The following RGS13 variants were observed in gnomAD, a reference collection of about 807,000 sequenced individuals.
RGS13 encodes regulator of G protein signaling 13, also known as regulator of G-protein signalling 13.
A neutral mutation model predicts 19.9 loss-of-function variants in RGS13; 14 were observed. The ratio of observed to expected loss-of-function variants is 0.70; its 90% CI spans 0.46 to 1.10. The LOEUF (loss-of-function observed/expected upper bound fraction) is 1.10, where lower values mean the gene tolerates loss of function less well. Among genes scored for constraint, RGS13 ranks in the 50% least tolerant of loss-of-function variants. RGS13 has a pLI of 0.00. For missense variants in RGS13, 205 were observed against 187.1 expected (o/e 1.10, Z -0.56); for synonymous variants, 60 against 56.8 (o/e 1.06, Z -0.25).
chr1:192,658,157 G>A (rs367954520), intron 5 of RGS13, 44 bp from the exon 6 acceptor site: 1 of 1,481,186 alleles, frequency 6.8e-7, no homozygotes, highest in Non-Finnish European at 9.2e-7. Flanking sequence ...TTTTTTTGGT[G>A]ATTTTGACCC....
chr1:192,658,539 T>C (rs1362600297), intron 6 of RGS13, 172 bp downstream of exon 6: 2 of 552,550 alleles, frequency 3.6e-6, no homozygotes, highest in African/African-American at 1.9e-5. Context: ...CTCTGAGAAC[T>C]TGTCCAGTGT....
chr1:192,639,964 C>G (rs934416793), intron 3 of RGS13, among the ~76,000 whole-genome samples: 1 of 152,050 alleles, frequency 6.6e-6, no homozygotes, highest in Non-Finnish European at 1.5e-5. Flanking sequence ...TATGATAACC[C>G]ATTAATAGAC....
chr1:192,640,829 C>CA (rs1258869077), intron 3 of RGS13, among the ~76,000 whole-genome samples: 4 of 152,092 alleles, frequency 2.6e-5, no homozygotes, highest in African/African-American at 9.7e-5. Flanking sequence ...TTCACTTCTC[C>CA]AATGTCTTAA....
At chr1:192,642,322 C>CT (rs200314337) in intron 3 of RGS13, among the ~76,000 whole-genome samples, 49,755 of 136,578 alleles carry the variant, frequency 0.36, 10,551 homozygotes, top group East Asian at 0.59. Flanking sequence ...AACATAATTC[C>CT]TTTTTTTTTT....
At chr1:192,644,298 T>G (rs755304113) in intron 3 of RGS13, 33 bp from the exon 4 acceptor site, 2 of 1,436,126 alleles carry the variant, frequency 1.4e-6, no homozygotes, top group African/African-American at 2.8e-5. Flanking sequence ...TTTAAATGAT[T>G]AAATTATACA....
intron 6 of RGS13, chr1:192,659,078 G>C (rs1663558082): frequency 3.4e-6 from 1 of 295,700 alleles, no homozygotes; most frequent in Middle Eastern, 1.0e-3. Flanking sequence ...TCCTGAGTAA[G>C]CCATGGTTTT....
intron 1 of RGS13, 111 bp downstream of exon 1, chr1:192,636,428 GT>G (rs1663020147): frequency 6.6e-6 from 1 of 151,868 alleles, no homozygotes; most frequent in Non-Finnish European, 1.5e-5. Flanking sequence ...GTTAACAGAG[GT>G]TTTTCTAAGA....
chr1:192,656,764 TC>T (rs1380906655), intron 5 of RGS13, among the ~76,000 whole-genome samples: 1 of 152,052 alleles, frequency 6.6e-6, no homozygotes, highest in African/African-American at 2.4e-5. Flanking sequence ...ACATTCGGTT[TC>T]CCCAACTCCA....
At chr1:192,644,200 G>A in intron 3 of RGS13, 131 bp from the exon 4 acceptor site, 1 of 545,954 alleles carries the variant, frequency 1.8e-6, no homozygotes, top group African/African-American at 1.9e-5. Context: ...CCCAGTGACT[G>A]TATTCCATTA....
At chr1:192,650,710 A>G (rs1663321653) in intron 5 of RGS13, among the ~76,000 whole-genome samples, 1 of 152,080 alleles carries the variant, frequency 6.6e-6, no homozygotes, top group Admixed American at 6.6e-5. Context: ...TTGAGAACAG[A>G]AGTATGGCAA....
chr1:192,641,877 G>A (rs916537200), intron 3 of RGS13, among the ~76,000 whole-genome samples: 1 of 151,952 alleles, frequency 6.6e-6, no homozygotes, highest in Non-Finnish European at 1.5e-5. Context: ...GTTCTCTTCT[G>A]TCTCACCTTA....
Position 192,636,227 on chromosome 1 carries a change from G to A in RGS13, c.-206G>A, listed in dbSNP as rs1663016931. ...CTCTGGGAAAAATAAAATGCTGGGT[G>A]TCTCACAAAATTTCAGAACCTGATT... On this transcript the variant is annotated 5_prime_UTR_variant, in exon 1 of 7. Coordinates refer to ENST00000391995, the MANE Select transcript of RGS13 (RefSeq NM_002927.5). 1 of 152,058 alleles carries A rather than the reference G, an allele frequency of 6.6e-6. No homozygotes were observed. Among genetic ancestry groups the A allele is most frequent in the African/African-American group, 2.4e-5 (1 of 41,444 alleles). 9.4% of individuals were successfully genotyped at this position (152,058 alleles called of 1,614,324 possible). A position where few individuals can be genotyped will look rare whatever the true frequency, so the allele number is the denominator to read the frequency against.
chr1:192,647,099 C>T (rs1663236876), intron 4 of RGS13: 1 of 152,116 alleles, frequency 6.6e-6, no homozygotes, highest in Non-Finnish European at 1.5e-5. Flanking sequence ...TTTAGGGTTA[C>T]TAACTGTATT....
At chr1:192,640,561 T>A (rs1187581140) in intron 3 of RGS13, among the ~76,000 whole-genome samples, 2 of 152,168 alleles carry the variant, frequency 1.3e-5, no homozygotes, top group African/African-American at 4.8e-5. Context: ...TTTGCTTAAG[T>A]ATTGTGAATC....
intron 3 of RGS13, among the ~76,000 whole-genome samples, chr1:192,639,608 AAT>A (rs1218657073): frequency 2.0e-5 from 3 of 152,166 alleles, no homozygotes; most frequent in Non-Finnish European, 4.4e-5. Context: ...GGTCTAACAG[AAT>A]ATATGTTTCC....
intron 3 of RGS13, among the ~76,000 whole-genome samples, chr1:192,640,590 A>G (rs1396153309): frequency 6.6e-6 from 1 of 152,158 alleles, no homozygotes; most frequent in African/African-American, 2.4e-5. Context: ...CAATCGGAAG[A>G]GTCCTAATAA....
chr1:192,647,425 C>T (rs1335145671), intron 4 of RGS13: 2 of 152,094 alleles, frequency 1.3e-5, no homozygotes, highest in Non-Finnish European at 2.9e-5. Context: ...GGAATGCCCC[C>T]CTTGTAGCAT....
intron 2 of RGS13, among the ~76,000 whole-genome samples, 173 bp downstream of exon 2, chr1:192,637,833 A>T (rs1466181684): frequency 6.6e-6 from 1 of 152,104 alleles, no homozygotes; most frequent in Non-Finnish European, 1.5e-5. Context: ...GTACAACTAA[A>T]GATGCCCTTG....
chr1:192,647,289 T>C (rs1663239525), intron 4 of RGS13: 1 of 152,164 alleles, frequency 6.6e-6, no homozygotes, highest in Non-Finnish European at 1.5e-5. Flanking sequence ...CTACTGCTAG[T>C]GCCCTGGAAT....
Sources: allele counts gnomAD v4.1 joint callset (sites outside exome capture counted in the v4.1 genomes callset), GRCh38; gene constraint gnomAD v4.1.1; transcripts MANE v1.5; gene names NCBI Gene and HGNC (gene_info 2026-07-23, HGNC 2026-07-21).